GPR176: variants seen among roughly 807,000 people sequenced by gnomAD.
The protein encoded by GPR176 is G protein-coupled receptor 176.
Under a neutral mutation model 35.4 loss-of-function variants are expected in GPR176, and 26 were observed. That is an observed-to-expected ratio of 0.74 (90% confidence interval 0.54 to 1.02). GPR176 has a LOEUF of 1.02. GPR176 is among the 50% of genes least tolerant of loss of function. GPR176 has a pLI of 0.00. For synonymous variants in GPR176, 278 were observed against 271.3 expected, an observed-to-expected ratio of 1.02 and a Z score of -0.24; for missense variants, 597 against 665.3, an observed-to-expected ratio of 0.90 and a Z score of 1.13.
At chr15:39,873,358 G>C (rs1211360200) in intron 1 of GPR176, among the ~76,000 whole-genome samples, 4 of 152,164 alleles carry the variant, frequency 2.6e-5, no homozygotes, top group Non-Finnish European at 5.9e-5. Context: ...TACAGCAGTG[G>C]CAAGTGATAA....
chr15:39,876,580 T>C (rs926076463), intron 1 of GPR176, among the ~76,000 whole-genome samples: 9 of 152,136 alleles, frequency 5.9e-5, no homozygotes, highest in African/African-American at 2.2e-4. Flanking sequence ...GCTATTATTA[T>C]GGAATGGCCT....
In GPR176 at chr15:39,819,154, C is replaced by A. The variant is rs117786259; in HGVS notation, c.173-11896G>T. Among the ~76,000 whole-genome samples the A allele has an allele frequency of 1.6e-4, 24 of 152,284 alleles. No individual in the cohort carries two copies. The East Asian group carries it at 4.4e-3, about 28-fold the overall frequency. On this transcript the variant is annotated intron_variant, in intron 1 of 2. Coordinates refer to ENST00000561100, the MANE Select transcript of GPR176 (RefSeq NM_007223.3). ...ACTCTACCCATTGTTAAGCATGCTCCCTTTGGACCAGCATCCAAACAAGCC... is the reference window on the plus strand; with the variant it reads ...ACTCTACCCATTGTTAAGCATGCTCACTTTGGACCAGCATCCAAACAAGCC...
At chr15:39,911,287 AAAAT>A (rs1254778864) in intron 1 of GPR176, among the ~76,000 whole-genome samples, 7 of 152,324 alleles carry the variant, frequency 4.6e-5, no homozygotes, top group South Asian at 2.1e-4. Context: ...TAAAAAGCAA[AAAAT>A]AAATAAACAA....
intron 1 of GPR176, among the ~76,000 whole-genome samples, chr15:39,912,082 C>T (rs1470795603): frequency 6.6e-6 from 1 of 152,130 alleles, no homozygotes; most frequent in East Asian, 1.9e-4. Context: ...GGTCATTGGG[C>T]ATCCAAAATG....
At position 39,799,090 on chromosome 15, in the gene GPR176, T is replaced by TA. The variant is rs1433971203; in HGVS notation, c.*2041dup. On this transcript the variant is annotated 3_prime_UTR_variant, in exon 3 of 3. Coordinates refer to ENST00000561100, the MANE Select transcript of GPR176 (RefSeq NM_007223.3). ...AGAAATACACCTGGCAATGACCTGTTAGTAGTCAGCCATCTGCTTCAAACA... is the reference window on the plus strand; with the variant it reads ...AGAAATACACCTGGCAATGACCTGTTAAGTAGTCAGCCATCTGCTTCAAACA... 1 of 152,214 alleles carries TA rather than the reference T, an allele frequency of 6.6e-6. No individual in the cohort carries two copies. The highest frequency in any genetic ancestry group is 1.5e-5 in the Non-Finnish European group (1 of 68,042). The allele number at this position is 152,214 out of a possible 1,614,324, so 9.4% of individuals were successfully genotyped here.
chr15:39,816,145 G>A (rs531130942), intron 1 of GPR176, among the ~76,000 whole-genome samples: 31 of 152,270 alleles, frequency 2.0e-4, no homozygotes, highest in Admixed American at 1.6e-3. Flanking sequence ...AGGACGAAGC[G>A]TTGGAGAGAT....
At position 39,863,715 on chromosome 15, in the gene GPR176, C is replaced by T. The variant is rs550242832; in HGVS notation, c.172+56140G>A. Among the ~76,000 whole-genome samples the T allele has an allele frequency of 5.3e-4, 81 of 152,128 alleles. 2 individuals are homozygous for T. Among genetic ancestry groups the T allele is most frequent in the Admixed American group, 5.9e-4 (9 of 15,270 alleles). On this transcript the variant is annotated intron_variant, in intron 1 of 2. Transcript: ENST00000561100. Reference sequence around the variant, plus strand: ...ATGTTAAGTACTCTATACAAGTGTACCATTTTTTATCTTTTAAACTGTAAT... The same window carrying T: ...ATGTTAAGTACTCTATACAAGTGTATCATTTTTTATCTTTTAAACTGTAAT...
Position 39,816,784 on chromosome 15 carries a change from G to A in GPR176, c.173-9526C>T, listed in dbSNP as rs544834403. 5.3e-5 allele frequency among the ~76,000 whole-genome samples: 8 copies of A among 152,286 alleles called. No homozygotes were observed. The South Asian group carries it at 1.2e-3, about 24-fold the overall frequency. On this transcript the variant is annotated intron_variant, in intron 1 of 2. Coordinates refer to ENST00000561100, the MANE Select transcript of GPR176 (RefSeq NM_007223.3). ...AAAAGACAACAACCAGCCAGGTGTG[G>A]TGGCTCACACCTGTAATCCCAGCAT...
At chr15:39,838,761 A>G (rs1460755106) in intron 1 of GPR176, among the ~76,000 whole-genome samples, 3 of 152,160 alleles carry the variant, frequency 2.0e-5, no homozygotes, top group Non-Finnish European at 4.4e-5. Flanking sequence ...CATTCCCTTC[A>G]AAAACTGGCA....
intron 2 of GPR176, among the ~76,000 whole-genome samples, chr15:39,806,553 G>A (rs1411583413): frequency 6.6e-6 from 1 of 152,220 alleles, no homozygotes; most frequent in Non-Finnish European, 1.5e-5. Context: ...GAATTCTGGT[G>A]TTACCTAGCC....
At chr15:39,838,813 G>A (rs1028400499) in intron 1 of GPR176, among the ~76,000 whole-genome samples, 2 of 152,140 alleles carry the variant, frequency 1.3e-5, no homozygotes, top group African/African-American at 2.4e-5. Flanking sequence ...ATTCAACATA[G>A]TGTTGGAAGT....
chr15:39,890,565 T>C (rs1397142049), intron 1 of GPR176, among the ~76,000 whole-genome samples: 2 of 152,248 alleles, frequency 1.3e-5, no homozygotes, highest in East Asian at 1.9e-4. Flanking sequence ...ATTTTGACTG[T>C]AAATTATACT....
intron 1 of GPR176, among the ~76,000 whole-genome samples, chr15:39,897,574 G>A (rs2033150948): frequency 6.7e-6 from 1 of 150,018 alleles, no homozygotes; most frequent in Non-Finnish European, 1.5e-5. Flanking sequence ...CTCATTGCCT[G>A]AGAGATCATG....
At chr15:39,870,372 A>G (rs1040186478) in intron 1 of GPR176, among the ~76,000 whole-genome samples, 4 of 152,218 alleles carry the variant, frequency 2.6e-5, no homozygotes, top group African/African-American at 9.6e-5. Context: ...CAGGGGGGCT[A>G]TAGCAACTCC....
intron 1 of GPR176, among the ~76,000 whole-genome samples, chr15:39,868,429 C>G (rs2031913494): frequency 1.3e-5 from 2 of 152,084 alleles, no homozygotes; most frequent in African/African-American, 4.8e-5. Flanking sequence ...GAAAGCAGGG[C>G]AGAAGGGGGA....
intron 1 of GPR176, among the ~76,000 whole-genome samples, chr15:39,903,072 G>A (rs2033323530): frequency 6.6e-6 from 1 of 152,186 alleles, no homozygotes; most frequent in African/African-American, 2.4e-5. Context: ...TAGGCCTTGT[G>A]TTAGATGATT....
chr15:39,919,835 G>A lies in GPR176; in HGVS notation c.172+20C>T, dbSNP rs772002590. On this transcript the variant is annotated intron_variant, in intron 1 of 2. Transcript: ENST00000561100. ...ACCCTCGGGGAGGCCCGGTCCGGAG[G>A]CGCCCCGCGGGAGGCTTACCGAGCA... 2.7e-5 allele frequency: 37 copies of A among 1,384,492 alleles called. No homozygotes were observed. Among genetic ancestry groups the A allele is most frequent in the Non-Finnish European group, 3.3e-5 (35 of 1,063,988 alleles). 85.8% of individuals were successfully genotyped at this position (1,384,492 alleles called of 1,614,324 possible). A position where few individuals can be genotyped will look rare whatever the true frequency, so the allele number is the denominator to read the frequency against.
At chr15:39,811,294 G>A (rs768395259) in intron 1 of GPR176, among the ~76,000 whole-genome samples, 1 of 151,896 alleles carries the variant, frequency 6.6e-6, no homozygotes, top group African/African-American at 2.4e-5. Flanking sequence ...CTTCCAAGTG[G>A]CCGAGACTAC....
chr15:39,802,113 C>G lies in GPR176; in HGVS notation c.567G>C (p.Thr189=). ...TGCTCCAGACTTCCGTGCAGGTGGA[C>G]GTGGCATAGATGTCAGCCACATTGG... is the stretch of plus-strand genomic sequence containing the variant. ...AVTNVADIYA[T]STCTEVWSNS... The change falls in exon 3 of 3, where the codon ACG becomes ACC. Residue 189 remains threonine (T), a synonymous_variant. Transcript: ENST00000561100. 1 of 1,614,128 alleles carries G rather than the reference C, an allele frequency of 6.2e-7. No individual in the cohort carries two copies. Among genetic ancestry groups the G allele is most frequent in the South Asian group, 1.1e-5 (1 of 91,066 alleles).
Sources: gnomAD v4.1 joint callset for allele counts (sites outside exome capture counted in the v4.1 genomes callset) on GRCh38, gnomAD v4.1.1 for gene constraint, MANE v1.5 for transcripts, NCBI Gene and HGNC (gene_info 2026-07-23, HGNC 2026-07-21) for gene names.